The following ARRB1 variants were observed in gnomAD, a reference collection of about 807,000 sequenced individuals.
The protein encoded by ARRB1 is beta-arrestin-1.
ARRB1 carries 21 observed loss-of-function variants against 56.8 expected under a neutral mutation model. That is an observed-to-expected ratio of 0.37 (90% CI 0.26 to 0.53). The LOEUF is 0.53. Ranked by LOEUF, ARRB1 falls within the 20% of genes least tolerant of loss-of-function variation. The pLI, the probability that ARRB1 is intolerant of heterozygous loss-of-function variation, is 0.88. For missense variants in ARRB1, 424 were observed against 553.7 expected (o/e 0.77, Z 2.35); for synonymous variants, 210 against 218.6 (o/e 0.96, Z 0.35).
intron 1 of ARRB1, among the ~76,000 whole-genome samples, chr11:75,315,385 G>T (rs1245479609): frequency 1.3e-5 from 2 of 151,998 alleles, no homozygotes; most frequent in Non-Finnish European, 2.9e-5. Context: ...CAGTCACCAT[G>T]CCTTATGCCT....
chr11:75,328,313 T>C (rs1216291460), intron 1 of ARRB1, among the ~76,000 whole-genome samples: 1 of 152,230 alleles, frequency 6.6e-6, no homozygotes, highest in Non-Finnish European at 1.5e-5. Context: ...TTGTACAGCA[T>C]GGATATACCA....
At chr11:75,308,271 A>C (rs573408597) in intron 1 of ARRB1, among the ~76,000 whole-genome samples, 3 of 152,348 alleles carry the variant, frequency 2.0e-5, no homozygotes, top group African/African-American at 7.2e-5. Flanking sequence ...GCAGAAACCA[A>C]GGCCCAGGAG....
rs1399056957 is a variant in ARRB1 at position 75,351,579 on chromosome 11, T to A, written c.20+9A>T. The stretch of plus-strand genomic sequence containing the variant: ...CGCGCCCCCCGCCGGGCGGCCGCCC[T>A]GCACTCACCGGGTCCCTTTGTCGCC... On this transcript the variant is annotated intron_variant, in intron 1 of 15. Transcript: ENST00000420843. The A allele has an allele frequency of 2.7e-6, 4 of 1,487,550 alleles. 1 individual carries two copies. In the South Asian group the frequency reaches 5.0e-5, roughly 19 times the overall value. The allele number at this position is 1,487,550 out of a possible 1,614,324, so 92.1% of individuals were successfully genotyped here.
chr11:75,309,457 C>T (rs1398015622), intron 1 of ARRB1, among the ~76,000 whole-genome samples: 1 of 152,256 alleles, frequency 6.6e-6, no homozygotes, highest in Non-Finnish European at 1.5e-5. Flanking sequence ...GTAGCCTCAT[C>T]ACCCTGCAAC....
intron 5 of ARRB1, among the ~76,000 whole-genome samples, chr11:75,282,672 C>G (rs1021977785): frequency 2.6e-5 from 4 of 152,216 alleles, no homozygotes; most frequent in African/African-American, 9.6e-5. Context: ...GCTCATACAT[C>G]TGTGTTGTTT....
intron 1 of ARRB1, among the ~76,000 whole-genome samples, chr11:75,302,384 T>C (rs1410793930): frequency 6.6e-6 from 1 of 151,232 alleles, no homozygotes; most frequent in African/African-American, 2.4e-5. Flanking sequence ...GAGGGGAGAG[T>C]TTCTTAAAAG....
intron 1 of ARRB1, among the ~76,000 whole-genome samples, chr11:75,309,310 C>T (rs1165426341): frequency 6.6e-6 from 1 of 152,266 alleles, no homozygotes; most frequent in African/African-American, 2.4e-5. Context: ...TATTTCACAC[C>T]CCTGCCTTGG....
intron 1 of ARRB1, among the ~76,000 whole-genome samples, chr11:75,308,744 C>CAA (rs35118888): frequency 2.9e-5 from 4 of 137,380 alleles, no homozygotes; most frequent in Non-Finnish European, 1.6e-5. Flanking sequence ...GAATCCATCT[C>CAA]AAAAAAAAAA....
At chr11:75,327,434 T>C (rs1276341403) in intron 1 of ARRB1, among the ~76,000 whole-genome samples, 1 of 151,980 alleles carries the variant, frequency 6.6e-6, no homozygotes, top group African/African-American at 2.4e-5. Context: ...TCCAAAGTGC[T>C]GGGATTACAG....
At chr11:75,328,731 G>A (rs1947476580) in intron 1 of ARRB1, among the ~76,000 whole-genome samples, 1 of 152,216 alleles carries the variant, frequency 6.6e-6, no homozygotes, top group Non-Finnish European at 1.5e-5. Flanking sequence ...CACCCTCTGG[G>A]ATGGGCTCCT....
At chr11:75,317,535 A>G (rs373178944) in intron 1 of ARRB1, among the ~76,000 whole-genome samples, 1 of 152,076 alleles carries the variant, frequency 6.6e-6, no homozygotes, top group African/African-American at 2.4e-5. Flanking sequence ...CCCCCATCAG[A>G]CAATCTCCTG....
chr11:75,334,204 C>G (rs1176385654), intron 1 of ARRB1, among the ~76,000 whole-genome samples: 4 of 151,580 alleles, frequency 2.6e-5, no homozygotes, highest in Non-Finnish European at 5.9e-5. Flanking sequence ...GTGGCATGTG[C>G]CTATTATCCC....
At chr11:75,311,948 A>T in intron 1 of ARRB1, 1 of 1,013,840 alleles carries the variant, frequency 9.9e-7, no homozygotes, top group Non-Finnish European at 1.3e-6. Flanking sequence ...GACGGCCGGC[A>T]GAGGAACCAA....
intron 13 of ARRB1, among the ~76,000 whole-genome samples, chr11:75,270,703 G>A: frequency 6.6e-6 from 1 of 151,968 alleles, no homozygotes; most frequent in Non-Finnish European, 1.5e-5. Context: ...TGAGTTGGGA[G>A]GATGGCTTCC....
chr11:75,333,460 C>A (rs149420044), intron 1 of ARRB1, among the ~76,000 whole-genome samples: 18 of 152,270 alleles, frequency 1.2e-4, no homozygotes, highest in African/African-American at 3.1e-4. Context: ...AAAAATCAGT[C>A]CTTGCCACCA....
intron 6 of ARRB1, chr11:75,281,665 A>G: frequency 2.4e-6 from 1 of 411,078 alleles, no homozygotes. Context: ...CCAGGTTGCC[A>G]GGGGTTACAT....
intron 10 of ARRB1, among the ~76,000 whole-genome samples, chr11:75,275,658 T>C (rs1242083967): frequency 6.6e-6 from 1 of 152,222 alleles, no homozygotes; most frequent in African/African-American, 2.4e-5. Context: ...ATGCAGCAGA[T>C]AGTGAACAAG....
chr11:75,272,850 C>A, intron 12 of ARRB1, 45 bp downstream of exon 12: 1 of 1,604,166 alleles, frequency 6.2e-7, no homozygotes, highest in Non-Finnish European at 8.5e-7. Flanking sequence ...ACCTGGGACG[C>A]TCCCCTCTGC....
intron 1 of ARRB1, among the ~76,000 whole-genome samples, chr11:75,318,430 C>G (rs7107762): frequency 0.083 from 12,559 of 152,090 alleles, 1,735 homozygotes; most frequent in African/African-American, 0.29. Context: ...TGGCTCATGC[C>G]GATAATCCCA....
Sources: allele counts gnomAD v4.1 joint callset (sites outside exome capture counted in the v4.1 genomes callset), GRCh38; gene constraint gnomAD v4.1.1; transcripts MANE v1.5; gene names NCBI Gene and HGNC (gene_info 2026-07-23, HGNC 2026-07-21).